Variants in CCSER1 observed in about 807,000 individuals in gnomAD.
CCSER1 encodes coiled-coil serine rich protein 1.
Under a neutral mutation model 82.0 loss-of-function variants are expected in CCSER1, and 41 were observed. The ratio of observed to expected loss-of-function variants is 0.50; its 90% CI spans 0.39 to 0.65. CCSER1 has a LOEUF of 0.65. Among genes scored for constraint, CCSER1 ranks in the 30% least tolerant of loss-of-function variants. The pLI, the probability that CCSER1 is intolerant of heterozygous loss-of-function variation, is 0.00. For missense variants in CCSER1, 1,119 were observed against 1,064.2 expected (o/e 1.05, Z -0.72); for synonymous variants, 414 against 383.9 (o/e 1.08, Z -0.92).
intron 9 of CCSER1, among the ~76,000 whole-genome samples, chr4:90,970,601 C>A (rs1281046348): frequency 6.6e-6 from 1 of 151,848 alleles, no homozygotes; most frequent in Non-Finnish European, 1.5e-5. Context: ...ACCACATGGG[C>A]TCGACAGACA....
At chr4:90,352,329 A>C (rs1743611828) in intron 3 of CCSER1, among the ~76,000 whole-genome samples, 1 of 151,828 alleles carries the variant, frequency 6.6e-6, no homozygotes, top group Non-Finnish European at 1.5e-5. Flanking sequence ...GTCTCAAAAA[A>C]ATCAAAAACC....
chr4:90,438,252 T>C (rs575789136), intron 4 of CCSER1, among the ~76,000 whole-genome samples: 119 of 152,292 alleles, frequency 7.8e-4, no homozygotes, highest in African/African-American at 2.8e-3. Context: ...ACAATATAGA[T>C]AGCAATGCTT....
intron 9 of CCSER1, among the ~76,000 whole-genome samples, chr4:91,070,069 C>T (rs1036801306): frequency 1.3e-5 from 2 of 151,664 alleles, no homozygotes; most frequent in Admixed American, 1.3e-4. Context: ...ACTAGAAGCT[C>T]CGCCTCCCGA....
chr4:90,185,378 A>G (rs1423014976), intron 1 of CCSER1, among the ~76,000 whole-genome samples: 1 of 152,102 alleles, frequency 6.6e-6, no homozygotes, highest in East Asian at 1.9e-4. Flanking sequence ...CTAGTTGAGT[A>G]CTTGAAAGGC....
chr4:90,597,183 C>T (rs1783442975), intron 5 of CCSER1, among the ~76,000 whole-genome samples: 1 of 151,954 alleles, frequency 6.6e-6, no homozygotes, highest in African/African-American at 2.4e-5. Context: ...GTTTACATCA[C>T]TCTGAATAAG....
chr4:90,134,066 G>A (rs2153319911), intron 1 of CCSER1, among the ~76,000 whole-genome samples: 1 of 152,260 alleles, frequency 6.6e-6, no homozygotes, highest in African/African-American at 2.4e-5. Flanking sequence ...TGACTGTAAT[G>A]TGCTGGACAC....
At chr4:91,175,363 G>A (rs535136353) in intron 10 of CCSER1, among the ~76,000 whole-genome samples, 29 of 152,116 alleles carry the variant, frequency 1.9e-4, no homozygotes, top group Non-Finnish European at 3.8e-4. Context: ...GGCTCAAATG[G>A]TATTTCTAGT....
chr4:90,546,661 T>TA (rs936777650), intron 5 of CCSER1, among the ~76,000 whole-genome samples: 8 of 151,988 alleles, frequency 5.3e-5, no homozygotes, highest in Non-Finnish European at 1.0e-4. Context: ...TGACTTTTAA[T>TA]AAAAAAAATT....
At chr4:90,868,417 T>C (rs1388434597) in intron 8 of CCSER1, among the ~76,000 whole-genome samples, 3 of 152,066 alleles carry the variant, frequency 2.0e-5, no homozygotes, top group Admixed American at 2.0e-4. Flanking sequence ...ATTTTGTTAA[T>C]TTGTAGCTCT....
rs917895321 is a variant in CCSER1, at chr4:90,608,238, G to A, written c.1725-19787G>A. Among the ~76,000 whole-genome samples the A allele has an allele frequency of 4.6e-5, 7 of 152,268 alleles. No homozygotes were observed. The South Asian group carries it at 1.2e-3, about 27-fold the overall frequency. ...AGGGTCCCACAAGGCTACAGTAGTG[G>A]TGTTGGCCAGGCCACGGTGTTATCT... On this transcript the variant is annotated intron_variant, in intron 5 of 10. Coordinates refer to ENST00000509176, the MANE Select transcript of CCSER1 (RefSeq NM_001145065.2).
intron 3 of CCSER1, among the ~76,000 whole-genome samples, chr4:90,369,368 AG>A (rs1309344569): frequency 6.6e-6 from 1 of 151,676 alleles, no homozygotes; most frequent in Admixed American, 6.6e-5. Flanking sequence ...GAAAAGGAAA[AG>A]AAGGAAGAGG....
intron 10 of CCSER1, among the ~76,000 whole-genome samples, chr4:91,101,372 A>T (rs1725037413): frequency 6.6e-6 from 1 of 152,376 alleles, no homozygotes; most frequent in South Asian, 2.1e-4. Context: ...TTGACCTGAA[A>T]GGTCAAAAGA....
chr4:91,066,025 G>A (rs541487445), intron 9 of CCSER1, among the ~76,000 whole-genome samples: 8 of 152,040 alleles, frequency 5.3e-5, no homozygotes, highest in East Asian at 3.9e-4. Flanking sequence ...TTTTCTTTGC[G>A]TTTTATACCT....
chr4:91,298,040 A>C (rs1188547689), intron 10 of CCSER1, among the ~76,000 whole-genome samples: 1 of 152,020 alleles, frequency 6.6e-6, no homozygotes, highest in East Asian at 1.9e-4. Context: ...TCCTACATGG[A>C]GAAGCATAAG....
intron 9 of CCSER1, among the ~76,000 whole-genome samples, chr4:91,079,250 A>C (rs1371601926): frequency 6.6e-6 from 1 of 151,836 alleles, no homozygotes; most frequent in Non-Finnish European, 1.5e-5. Flanking sequence ...ACACACCAGA[A>C]GAGAGTGGGG....
At chr4:91,334,878 A>G (rs1747215218) in intron 10 of CCSER1, among the ~76,000 whole-genome samples, 1 of 151,944 alleles carries the variant, frequency 6.6e-6, no homozygotes, top group East Asian at 1.9e-4. Context: ...AGGAAGATAC[A>G]TTTATTCAGG....
At chr4:91,375,519 C>CT (rs35891064) in intron 10 of CCSER1, among the ~76,000 whole-genome samples, 3,878 of 137,018 alleles carry the variant, frequency 0.028, 82 homozygotes, top group African/African-American at 0.067. Context: ...TCACTGTTGT[C>CT]TTTTTTTTTT....
At chr4:90,459,057 ATACATGTGTATGTATGTGTATC>A in intron 4 of CCSER1, among the ~76,000 whole-genome samples, 1 of 152,284 alleles carries the variant, frequency 6.6e-6, no homozygotes, top group South Asian at 2.1e-4. Context: ...TTATATATGC[ATACATGTGTATGTATGTGTATC>A]TACATATATA....
At chr4:90,819,386 C>T (rs1334016944) in intron 8 of CCSER1, among the ~76,000 whole-genome samples, 1 of 152,126 alleles carries the variant, frequency 6.6e-6, no homozygotes, top group Non-Finnish European at 1.5e-5. Flanking sequence ...TCTTTGTGCT[C>T]ATGACTGTTT....
Sources: gnomAD v4.1 joint callset for allele counts (sites outside exome capture counted in the v4.1 genomes callset) on GRCh38, gnomAD v4.1.1 for gene constraint, MANE v1.5 for transcripts, NCBI Gene and HGNC (gene_info 2026-07-23, HGNC 2026-07-21) for gene names.